CRPPA: variants seen among roughly 807,000 people sequenced by gnomAD.
CRPPA encodes the protein D-ribitol-5-phosphate cytidylyltransferase.
CRPPA carries 43 observed loss-of-function variants against 52.0 expected under a neutral mutation model. The observed-to-expected ratio is 0.83, with a 90% CI of 0.65 to 1.07. The LOEUF (loss-of-function observed/expected upper bound fraction) is 1.07, where lower values mean the gene tolerates loss of function less well. Ranked by LOEUF, CRPPA falls within the 50% of genes least tolerant of loss-of-function variation. The pLI, the probability that CRPPA is intolerant of heterozygous loss-of-function variation, is 0.00. For missense variants in CRPPA, 629 were observed against 551.7 expected, an observed-to-expected ratio of 1.14 and a Z score of -1.40; for synonymous variants, 250 against 203.5, an observed-to-expected ratio of 1.23 and a Z score of -1.94.
At chr7:16,247,993 C>T (rs1250912673) in intron 8 of CRPPA, 1 of 151,724 alleles carries the variant, frequency 6.6e-6, no homozygotes, top group Admixed American at 6.6e-5. Context: ...TTTACAGAGG[C>T]AATAAAAAAG....
rs1228955550 is a variant in CRPPA, at chr7:16,294,419, G to T, written c.835+7002C>A. On this transcript the variant is annotated intron_variant, in intron 5 of 9. Coordinates refer to ENST00000407010, the MANE Select transcript of CRPPA (RefSeq NM_001101426.4). ...TAAGGAAATGGTAAAACTAAAACAA[G>T]TGAACTCTACTTTTCCTAATCCTGA... 2.0e-5 allele frequency among the ~76,000 whole-genome samples: 3 copies of T among 151,842 alleles called. No homozygotes were observed. The East Asian group carries it at 5.8e-4, about 29-fold the overall frequency.
At chr7:16,243,666 G>C (rs1783187476) in intron 8 of CRPPA, among the ~76,000 whole-genome samples, 1 of 152,048 alleles carries the variant, frequency 6.6e-6, no homozygotes, top group Admixed American at 6.6e-5. Context: ...AAATATTTTA[G>C]AAAAAATAAC....
chr7:16,406,284 AC>A lies in CRPPA; in HGVS notation c.310del (p.Val104Ter). On this transcript the variant is annotated frameshift_variant, in exon 2 of 10. Transcript: ENST00000407010. LOFTEE classifies it high-confidence loss of function. ...VVAVTGENME[V>X]MKSIIQKYQH... ...ATACTTCTGAATAATACTTTTCATT[AC>A]TTCCATGTTCTCTCCAGTTACTGCC... 6.2e-7 allele frequency: 1 copy of A among 1,613,888 alleles called. No individual in the cohort carries two copies. Among genetic ancestry groups the A allele is most frequent in the African/African-American group, 1.3e-5 (1 of 75,050 alleles).
At chr7:16,293,118 A>G (rs1784594452) in intron 5 of CRPPA, among the ~76,000 whole-genome samples, 1 of 151,928 alleles carries the variant, frequency 6.6e-6, no homozygotes, top group Non-Finnish European at 1.5e-5. Context: ...AAACTCAGTA[A>G]CAATGGAAGA....
intron 9 of CRPPA, among the ~76,000 whole-genome samples, chr7:16,097,142 G>C (rs1243741109): frequency 6.6e-6 from 1 of 151,826 alleles, no homozygotes; most frequent in Non-Finnish European, 1.5e-5. Flanking sequence ...TTTTTTGCTT[G>C]AAAATTCAAG....
At chr7:16,127,513 A>C (rs1404194498) in intron 9 of CRPPA, among the ~76,000 whole-genome samples, 1 of 152,164 alleles carries the variant, frequency 6.6e-6, no homozygotes, top group African/African-American at 2.4e-5. Context: ...GAGCTTTCCT[A>C]TGTAAAGAGA....
intron 2 of CRPPA, among the ~76,000 whole-genome samples, chr7:16,379,065 C>T (rs1022605850): frequency 7.9e-5 from 12 of 152,244 alleles, no homozygotes; most frequent in African/African-American, 2.4e-4. Context: ...GTTGCCTGTT[C>T]GCTCTGATGG....
chr7:16,287,696 T>C (rs749053430), intron 5 of CRPPA, among the ~76,000 whole-genome samples: 1 of 152,022 alleles, frequency 6.6e-6, no homozygotes, highest in Non-Finnish European at 1.5e-5. Context: ...CCAAAGCGAA[T>C]GGATTGCTTG....
At chr7:16,254,359 C>A (rs1212289288) in intron 8 of CRPPA, among the ~76,000 whole-genome samples, 3 of 152,114 alleles carry the variant, frequency 2.0e-5, no homozygotes, top group Non-Finnish European at 4.4e-5. Flanking sequence ...CAACGATAGA[C>A]TGGATTAAGA....
chr7:16,217,926 A>G (rs1178427412), intron 8 of CRPPA, among the ~76,000 whole-genome samples: 2 of 151,634 alleles, frequency 1.3e-5, no homozygotes, highest in Non-Finnish European at 2.9e-5. Context: ...GTTCAGATTC[A>G]GGAAATACAG....
chr7:16,417,237 A>C (rs975017371), intron 1 of CRPPA, among the ~76,000 whole-genome samples: 1 of 152,208 alleles, frequency 6.6e-6, no homozygotes, highest in African/African-American at 2.4e-5. Context: ...AAGTTTGGAG[A>C]TTTCTCAAAG....
chr7:16,158,356 C>T (rs555852417), intron 9 of CRPPA, among the ~76,000 whole-genome samples: 9 of 151,860 alleles, frequency 5.9e-5, no homozygotes, highest in Non-Finnish European at 1.2e-4. Context: ...GTAGGAACCC[C>T]GATTCCAAAC....
intron 3 of CRPPA, among the ~76,000 whole-genome samples, chr7:16,315,809 G>T (rs10264783): frequency 0.87 from 132,068 of 152,010 alleles, 58,149 homozygotes; most frequent in Non-Finnish European, 0.94. Context: ...CAATTATAAT[G>T]TAGGTTTTCC....
At chr7:16,164,814 T>C (rs2128383206) in intron 9 of CRPPA, among the ~76,000 whole-genome samples, 1 of 152,314 alleles carries the variant, frequency 6.6e-6, no homozygotes, top group African/African-American at 2.4e-5. Context: ...AGACACTGTT[T>C]GCCCACGTAT....
At chr7:16,381,642 C>T (rs1245304064) in intron 2 of CRPPA, among the ~76,000 whole-genome samples, 4 of 150,844 alleles carry the variant, frequency 2.7e-5, no homozygotes, top group African/African-American at 7.3e-5. Flanking sequence ...CTTTGTAGGT[C>T]ACTCAGGACT....
intron 3 of CRPPA, among the ~76,000 whole-genome samples, chr7:16,319,866 A>G (rs1785220311): frequency 6.6e-6 from 1 of 152,200 alleles, no homozygotes; most frequent in South Asian, 2.1e-4. Context: ...AAGGAGATTT[A>G]GAGATCAGAC....
Position 16,219,281 on chromosome 7 carries a change from G to T in CRPPA, c.1120-3084C>A, listed in dbSNP as rs563431465. On this transcript the variant is annotated intron_variant, in intron 8 of 9. Coordinates refer to ENST00000407010, the MANE Select transcript of CRPPA (RefSeq NM_001101426.4). ...CACAACATACCAGAATCTCTGGGAC[G>T]CATTCAAAGCAGTGTGTAGAGGGAA... is the stretch of plus-strand genomic sequence containing the variant. Among the ~76,000 whole-genome samples, 459 of 149,452 alleles carry T rather than the reference G, an allele frequency of 3.1e-3. 1 individual carries two copies. Among genetic ancestry groups the T allele is most frequent in the Non-Finnish European group, 4.9e-3 (332 of 67,436 alleles).
intron 9 of CRPPA, among the ~76,000 whole-genome samples, chr7:16,207,345 A>G (rs1781997437): frequency 6.6e-6 from 1 of 152,190 alleles, no homozygotes; most frequent in Non-Finnish European, 1.5e-5. Flanking sequence ...ACTGACTTAG[A>G]ATGTCAAATC....
chr7:16,233,208 G>C (rs1482392324), intron 8 of CRPPA, among the ~76,000 whole-genome samples: 1 of 152,034 alleles, frequency 6.6e-6, no homozygotes, highest in East Asian at 1.9e-4. Flanking sequence ...ATCATATTTA[G>C]TCAGCCTAAT....
Sources: allele counts gnomAD v4.1 joint callset (sites outside exome capture counted in the v4.1 genomes callset), GRCh38; gene constraint gnomAD v4.1.1; transcripts MANE v1.5; gene names NCBI Gene and HGNC (gene_info 2026-07-23, HGNC 2026-07-21).